The following NCALD variants were observed in gnomAD, a reference collection of about 807,000 sequenced individuals.
NCALD encodes the protein neurocalcin delta.
NCALD carries 10 observed loss-of-function variants against 18.6 expected under a neutral mutation model. The ratio of observed to expected loss-of-function variants is 0.54; its 90% CI spans 0.33 to 0.91. NCALD has a LOEUF of 0.91. Among genes scored for constraint, NCALD ranks in the 40% least tolerant of loss-of-function variants. The pLI, the probability that NCALD is intolerant of heterozygous loss-of-function variation, is 0.03. For synonymous variants in NCALD, 88 were observed against 87.4 expected (o/e 1.01, Z -0.04); for missense variants, 184 against 247.6 (o/e 0.74, Z 1.72).
At chr8:101,755,665 G>A (rs1023110544) in intron 1 of NCALD, among the ~76,000 whole-genome samples, 1 of 152,218 alleles carries the variant, frequency 6.6e-6, no homozygotes, top group East Asian at 1.9e-4. Flanking sequence ...GTTTTAAAAA[G>A]CCAGGGAAAT....
At chr8:101,935,518 A>G (rs1818728009) in intron 2 of NCALD, among the ~76,000 whole-genome samples, 1 of 152,224 alleles carries the variant, frequency 6.6e-6, no homozygotes, top group Non-Finnish European at 1.5e-5. Flanking sequence ...CAAATAAAGA[A>G]CAAAAAGGGA....
At chr8:101,988,903 A>T (rs1820932646) in intron 2 of NCALD, among the ~76,000 whole-genome samples, 1 of 26,740 alleles carries the variant, frequency 3.7e-5, no homozygotes, top group South Asian at 1.4e-3. Flanking sequence ...GTGCCAGCAG[A>T]AAAAAAAAAA....
intron 1 of NCALD, among the ~76,000 whole-genome samples, chr8:102,105,842 G>C (rs1229934891): frequency 1.3e-5 from 2 of 152,112 alleles, no homozygotes; most frequent in Non-Finnish European, 1.5e-5. Flanking sequence ...ACCTGCCTTA[G>C]AGAACATCCT....
At chr8:101,939,999 T>C (rs996655045) in intron 2 of NCALD, among the ~76,000 whole-genome samples, 2 of 152,274 alleles carry the variant, frequency 1.3e-5, no homozygotes, top group East Asian at 1.9e-4. Flanking sequence ...CAACTCAGCA[T>C]ATAAGAGCGG....
chr8:101,785,601 T>G (rs753150445), intron 1 of NCALD, among the ~76,000 whole-genome samples: 1 of 152,058 alleles, frequency 6.6e-6, no homozygotes, highest in Non-Finnish European at 1.5e-5. Flanking sequence ...CCATTAAGAT[T>G]GGGGGCTATT....
At chr8:101,716,804 G>C (rs1027018768) in intron 2 of NCALD, among the ~76,000 whole-genome samples, 3 of 152,210 alleles carry the variant, frequency 2.0e-5, no homozygotes, top group African/African-American at 7.2e-5. Context: ...GTAATCACAG[G>C]ATCTTTTTAA....
intron 4 of NCALD, among the ~76,000 whole-genome samples, chr8:101,819,970 G>C (rs12544026): frequency 6.6e-6 from 1 of 151,984 alleles, no homozygotes; most frequent in East Asian, 1.9e-4. Flanking sequence ...CTTCCTTTCA[G>C]TGTTTTGTTT....
chr8:101,999,565 T>C (rs1821369810), intron 2 of NCALD, among the ~76,000 whole-genome samples: 1 of 152,104 alleles, frequency 6.6e-6, no homozygotes, highest in Admixed American at 6.6e-5. Context: ...TTGGGTACAG[T>C]GTACACTGCT....
intron 4 of NCALD, among the ~76,000 whole-genome samples, chr8:101,859,212 C>G (rs1331809011): frequency 6.6e-6 from 1 of 152,144 alleles, no homozygotes; most frequent in Non-Finnish European, 1.5e-5. Context: ...TTCCTGCCCT[C>G]GAACATCAGA....
At chr8:101,970,855 G>T (rs1240618640) in intron 2 of NCALD, among the ~76,000 whole-genome samples, 1 of 152,176 alleles carries the variant, frequency 6.6e-6, no homozygotes, top group African/African-American at 2.4e-5. Context: ...GCTGAAATTT[G>T]ATTATTGTTG....
intron 4 of NCALD, among the ~76,000 whole-genome samples, chr8:101,854,722 G>A (rs1291444921): frequency 1.3e-5 from 2 of 152,064 alleles, no homozygotes; most frequent in Admixed American, 6.6e-5. Context: ...CTAACACACC[G>A]ATTATCCTAA....
intron 3 of NCALD, among the ~76,000 whole-genome samples, chr8:101,888,584 AC>A (rs1192595960): frequency 6.6e-6 from 1 of 150,716 alleles, no homozygotes; most frequent in Non-Finnish European, 1.5e-5. Flanking sequence ...TGCCTGGCTA[AC>A]CTTTTTTTTT....
At chr8:101,988,850 T>C (rs1820928158) in intron 2 of NCALD, among the ~76,000 whole-genome samples, 1 of 129,820 alleles carries the variant, frequency 7.7e-6, no homozygotes, top group African/African-American at 3.0e-5. Flanking sequence ...GTGGGTTGCA[T>C]GGGCCTTGGG....
intron 2 of NCALD, among the ~76,000 whole-genome samples, chr8:101,714,165 T>G (rs1049902255): frequency 1.3e-5 from 2 of 152,106 alleles, no homozygotes; most frequent in African/African-American, 2.4e-5. Context: ...GAGAAAGAAA[T>G]AAAGCGTATT....
chr8:101,903,236 C>T (rs1420151569), intron 3 of NCALD, among the ~76,000 whole-genome samples: 1 of 145,680 alleles, frequency 6.9e-6, no homozygotes, highest in African/African-American at 2.6e-5. Flanking sequence ...CTCACTCTAT[C>T]ACCAGGCTGG....
At chr8:102,081,545 TAAAAAAAAAAAAAA>T (rs770307937) in intron 1 of NCALD, among the ~76,000 whole-genome samples, 47 of 68,702 alleles carry the variant, frequency 6.8e-4, no homozygotes, top group African/African-American at 2.6e-3. Context: ...CAAATAATGG[TAAAAAAAAAAAAAA>T]AAAAAAAAAA....
chr8:101,757,789 A>G (rs1810949515), intron 1 of NCALD, among the ~76,000 whole-genome samples: 2 of 152,150 alleles, frequency 1.3e-5, no homozygotes, highest in South Asian at 4.1e-4. Flanking sequence ...CCTGGGACAC[A>G]GTAGGCCTTC....
intron 4 of NCALD, among the ~76,000 whole-genome samples, chr8:101,876,270 T>C (rs1563848416): frequency 6.6e-6 from 1 of 152,212 alleles, no homozygotes; most frequent in South Asian, 2.1e-4. Context: ...GGGTGAAGCA[T>C]AAATGACAAG....
intron 1 of NCALD, among the ~76,000 whole-genome samples, chr8:101,749,560 A>T (rs1810565760): frequency 6.6e-6 from 1 of 152,214 alleles, no homozygotes; most frequent in African/African-American, 2.4e-5. Flanking sequence ...GAGCCTCAGT[A>T]ATCTCACCTG....
Sources: gnomAD v4.1 joint callset for allele counts (sites outside exome capture counted in the v4.1 genomes callset) on GRCh38, gnomAD v4.1.1 for gene constraint, MANE v1.5 for transcripts, NCBI Gene and HGNC (gene_info 2026-07-23, HGNC 2026-07-21) for gene names.